Variants in DCC observed in about 807,000 individuals in gnomAD.
DCC encodes netrin receptor DCC.
Under a neutral mutation model 172.5 loss-of-function variants are expected in DCC, and 58 were observed. The observed-to-expected ratio is 0.34, with a 90% confidence interval of 0.27 to 0.42. The LOEUF is 0.42. DCC is among the 10% of genes least tolerant of loss of function. The pLI is 1.00. For synonymous variants in DCC, 709 were observed against 644.5 expected (o/e 1.10, Z -1.52); for missense variants, 1,740 against 1,791.0 (o/e 0.97, Z 0.51).
At chr18:53,171,189 T>A (rs1463278010) in intron 8 of DCC, among the ~76,000 whole-genome samples, 1 of 152,142 alleles carries the variant, frequency 6.6e-6, no homozygotes, top group African/African-American at 2.4e-5. Flanking sequence ...CTGGCCTACA[T>A]AGTGTTTAGA....
At chr18:53,170,738 AT>A (rs1255849698) in intron 8 of DCC, among the ~76,000 whole-genome samples, 2 of 152,294 alleles carry the variant, frequency 1.3e-5, no homozygotes, top group East Asian at 1.9e-4. Flanking sequence ...GTGATACAAA[AT>A]TTTTATAGCA....
intron 22 of DCC, among the ~76,000 whole-genome samples, chr18:53,444,893 A>G (rs527387042): frequency 6.6e-6 from 1 of 152,304 alleles, no homozygotes; most frequent in Non-Finnish European, 1.5e-5. Context: ...AAGTTCCATG[A>G]AGTCCATAAT....
At chr18:52,767,760 A>T (rs1258741294) in intron 2 of DCC, among the ~76,000 whole-genome samples, 1 of 152,202 alleles carries the variant, frequency 6.6e-6, no homozygotes, top group Non-Finnish European at 1.5e-5. Flanking sequence ...CCGTTTTTCT[A>T]GGAAATATTT....
At chr18:53,496,956 C>T (rs1376097243) in intron 26 of DCC, among the ~76,000 whole-genome samples, 3 of 152,042 alleles carry the variant, frequency 2.0e-5, no homozygotes, top group Non-Finnish European at 4.4e-5. Context: ...GGAAATAAAA[C>T]ATCATAAACA....
chr18:53,344,280 G>A (rs2057696232), intron 15 of DCC, among the ~76,000 whole-genome samples: 3 of 151,606 alleles, frequency 2.0e-5, no homozygotes, highest in Admixed American at 1.3e-4. Context: ...ATTTTGATAT[G>A]TTGTATTTTT....
chr18:52,490,850 A>G (rs2144603528), intron 1 of DCC, among the ~76,000 whole-genome samples: 1 of 152,226 alleles, frequency 6.6e-6, no homozygotes, highest in East Asian at 1.9e-4. Flanking sequence ...AAGCTTACCT[A>G]TGGCTTCTAA....
At chr18:52,491,024 C>T (rs1231729585) in intron 1 of DCC, among the ~76,000 whole-genome samples, 1 of 152,068 alleles carries the variant, frequency 6.6e-6, no homozygotes, top group Non-Finnish European at 1.5e-5. Flanking sequence ...GCCCACATTG[C>T]AAAGGCAAGC....
intron 1 of DCC, among the ~76,000 whole-genome samples, chr18:52,709,081 G>A (rs1286519484): frequency 6.6e-6 from 1 of 152,066 alleles, no homozygotes; most frequent in Non-Finnish European, 1.5e-5. Context: ...AACAACCCCT[G>A]CAAGGTACTT....
chr18:52,898,219 T>C (rs2145433374), intron 2 of DCC, among the ~76,000 whole-genome samples: 1 of 152,316 alleles, frequency 6.6e-6, no homozygotes, highest in Non-Finnish European at 1.5e-5. Context: ...TTGATAAGTC[T>C]CTTTTTATTA....
In DCC at chr18:52,592,724, C is replaced by T. The variant is rs935610445; in HGVS notation, c.92-159330C>T. Among the ~76,000 whole-genome samples the T allele has an allele frequency of 5.9e-5, 9 of 152,184 alleles. 1 individual carries two copies. Among genetic ancestry groups the T allele is most frequent in the Admixed American group, 5.2e-4 (8 of 15,278 alleles). On this transcript the variant is annotated intron_variant, in intron 1 of 28. Coordinates refer to ENST00000442544, the MANE Select transcript of DCC (RefSeq NM_005215.4). ...TCTCAACTCATTGTAACGTCCGCCTCCTGGATTCAAGCTATTCTCGTGCCT... is the reference window on the plus strand; with the variant it reads ...TCTCAACTCATTGTAACGTCCGCCTTCTGGATTCAAGCTATTCTCGTGCCT...
chr18:53,034,714 A>G (rs1320871665), intron 5 of DCC, among the ~76,000 whole-genome samples: 2 of 142,834 alleles, frequency 1.4e-5, no homozygotes, highest in Non-Finnish European at 3.1e-5. Flanking sequence ...TTTTTTTTTT[A>G]TGGTTTTCTC....
chr18:53,192,233 A>C (rs2055376124), intron 9 of DCC, among the ~76,000 whole-genome samples: 1 of 152,198 alleles, frequency 6.6e-6, no homozygotes. Context: ...TGTCAGCGAA[A>C]TCGCAAAGTG....
At chr18:53,342,383 T>G (rs1034584707) in intron 15 of DCC, among the ~76,000 whole-genome samples, 1 of 151,970 alleles carries the variant, frequency 6.6e-6, no homozygotes, top group African/African-American at 2.4e-5. Flanking sequence ...GTGCCAGACT[T>G]GAAGTATGAT....
At chr18:53,005,076 G>A (rs2041623997) in intron 5 of DCC, among the ~76,000 whole-genome samples, 1 of 152,066 alleles carries the variant, frequency 6.6e-6, no homozygotes, top group Admixed American at 6.6e-5. Flanking sequence ...TTTCACCATA[G>A]GATGACATAG....
intron 1 of DCC, among the ~76,000 whole-genome samples, chr18:52,693,986 G>A (rs1365152935): frequency 6.6e-6 from 1 of 152,028 alleles, no homozygotes; most frequent in African/African-American, 2.4e-5. Flanking sequence ...AAACAATAGA[G>A]CATGGAAAGG....
At chr18:52,566,748 T>C (rs1009980191) in intron 1 of DCC, among the ~76,000 whole-genome samples, 1 of 152,136 alleles carries the variant, frequency 6.6e-6, no homozygotes, top group Admixed American at 6.6e-5. Context: ...TCAGACTCTT[T>C]GGGGTACAGC....
chr18:52,997,749 G>A (rs544841473), intron 5 of DCC, among the ~76,000 whole-genome samples: 2 of 152,192 alleles, frequency 1.3e-5, no homozygotes, highest in South Asian at 4.1e-4. Context: ...TTTATACCAA[G>A]TGCCTCATAG....
At chr18:53,330,759 T>A (rs1424593067) in intron 14 of DCC, among the ~76,000 whole-genome samples, 1 of 152,192 alleles carries the variant, frequency 6.6e-6, no homozygotes, top group Non-Finnish European at 1.5e-5. Flanking sequence ...CACATATATT[T>A]CACACCTGCT....
chr18:52,904,968 CAAG>C (rs1411115289), intron 2 of DCC, among the ~76,000 whole-genome samples: 1 of 152,092 alleles, frequency 6.6e-6, no homozygotes, highest in African/African-American at 2.4e-5. Flanking sequence ...TAAAAAAACA[CAAG>C]AATTTCATGG....
Sources: allele counts gnomAD v4.1 joint callset (sites outside exome capture counted in the v4.1 genomes callset), GRCh38; gene constraint gnomAD v4.1.1; transcripts MANE v1.5; gene names NCBI Gene and HGNC (gene_info 2026-07-23, HGNC 2026-07-21).